Variants in SDK1 observed in about 807,000 individuals in gnomAD.
The protein encoded by SDK1 is sidekick cell adhesion molecule 1.
In SDK1, 157 loss-of-function variants were observed where a neutral mutation model predicts 245.5. The ratio of observed to expected loss-of-function variants is 0.64; its 90% CI spans 0.56 to 0.73. SDK1 has a LOEUF of 0.73. SDK1 is among the 30% of genes least tolerant of loss of function. The probability of loss-of-function intolerance (pLI) is 0.00; values close to 1 mark genes in which losing one functional copy is unlikely to be tolerated. For synonymous variants in SDK1, 1,647 were observed against 1,278.5 expected, an observed-to-expected ratio of 1.29 and a Z score of -6.15; for missense variants, 3,583 against 3,002.3, an observed-to-expected ratio of 1.19 and a Z score of -4.52.
chr7:3,715,324 T>C (rs569620741), intron 4 of SDK1, among the ~76,000 whole-genome samples: 11 of 152,274 alleles, frequency 7.2e-5, no homozygotes, highest in South Asian at 4.1e-4. Flanking sequence ...AATCAAAATA[T>C]ATTTGACCCA....
Position 3,988,132 on chromosome 7 carries a change from G to GTTT in SDK1, c.2131+833_2131+835dup, listed in dbSNP as rs71032919. Among the ~76,000 whole-genome samples, 33 of 85,410 alleles carry GTTT rather than the reference G, an allele frequency of 3.9e-4. 1 individual carries two copies. The highest frequency in any genetic ancestry group is 1.2e-3 in the African/African-American group (26 of 22,260). 56.0% of individuals were successfully genotyped at this position (85,410 alleles called of 152,430 possible). Reference sequence around the variant, plus strand: ...TTCCCACTGCATCCATCTTTTTAATGTTTTTTTTTTTTTTTTTTTTTTTTT... The same window carrying GTTT: ...TTCCCACTGCATCCATCTTTTTAATGTTTTTTTTTTTTTTTTTTTTTTTTTTTT... On this transcript the variant is annotated intron_variant, in intron 14 of 44. Transcript: ENST00000404826.
At chr7:3,738,451 CTA>C (rs1191738823) in intron 4 of SDK1, among the ~76,000 whole-genome samples, 1 of 152,146 alleles carries the variant, frequency 6.6e-6, no homozygotes, top group African/African-American at 2.4e-5. Flanking sequence ...TACTGTAGCT[CTA>C]TAATTCATTT....
At chr7:3,659,280 A>G (rs1459281843) in intron 4 of SDK1, among the ~76,000 whole-genome samples, 1 of 152,088 alleles carries the variant, frequency 6.6e-6, no homozygotes, top group Non-Finnish European at 1.5e-5. Context: ...CGGTACTGGT[A>G]TGATATCACA....
chr7:3,436,282 G>A (rs1233261883), intron 1 of SDK1, among the ~76,000 whole-genome samples: 1 of 151,868 alleles, frequency 6.6e-6, no homozygotes, highest in African/African-American at 2.4e-5. Context: ...AGGATTTCTC[G>A]GTAAATTAAA....
intron 14 of SDK1, among the ~76,000 whole-genome samples, chr7:4,010,608 G>C (rs1785868370): frequency 6.6e-6 from 1 of 152,208 alleles, no homozygotes; most frequent in African/African-American, 2.4e-5. Flanking sequence ...TTTTCTGGGA[G>C]ACAAATCTGC....
chr7:4,140,165 G>A (rs576485744), intron 28 of SDK1, among the ~76,000 whole-genome samples: 56 of 152,240 alleles, frequency 3.7e-4, no homozygotes, highest in African/African-American at 1.2e-3. Flanking sequence ...CTTCTCTGCC[G>A]CCCCGCTCCA....
intron 4 of SDK1, among the ~76,000 whole-genome samples, chr7:3,750,581 A>C (rs1779745774): frequency 6.6e-6 from 1 of 152,220 alleles, no homozygotes; most frequent in Non-Finnish European, 1.5e-5. Flanking sequence ...GGCCAGTGGG[A>C]ATTCATAGCC....
intron 4 of SDK1, among the ~76,000 whole-genome samples, chr7:3,761,678 A>G (rs185042824): frequency 1.5e-4 from 23 of 152,102 alleles, no homozygotes; most frequent in Admixed American, 1.5e-3. Context: ...GAACACAGGA[A>G]TGACTCAGGA....
intron 4 of SDK1, among the ~76,000 whole-genome samples, chr7:3,748,880 A>G (rs886984018): frequency 6.6e-6 from 1 of 152,178 alleles, no homozygotes; most frequent in Admixed American, 6.5e-5. Context: ...GGTAAATATG[A>G]TTCATCCTGT....
intron 5 of SDK1, among the ~76,000 whole-genome samples, chr7:3,859,679 C>T (rs1780639753): frequency 6.6e-6 from 1 of 152,160 alleles, no homozygotes; most frequent in African/African-American, 2.4e-5. Context: ...ACTTCCATTA[C>T]CATCCCCAGG....
intron 4 of SDK1, among the ~76,000 whole-genome samples, chr7:3,657,778 A>T: frequency 6.6e-6 from 1 of 152,154 alleles, no homozygotes. Context: ...AGACTACTCT[A>T]AATCTTCACG....
chr7:3,721,950 T>C (rs1204741225), intron 4 of SDK1, among the ~76,000 whole-genome samples: 2 of 152,206 alleles, frequency 1.3e-5, no homozygotes, highest in Non-Finnish European at 2.9e-5. Context: ...TCCTTTCCTT[T>C]CCTTTCTGAC....
At chr7:4,034,013 G>T (rs959079333) in intron 17 of SDK1, among the ~76,000 whole-genome samples, 12 of 152,162 alleles carry the variant, frequency 7.9e-5, no homozygotes, top group African/African-American at 2.9e-4. Flanking sequence ...AGTGGTTGCA[G>T]TTAGCACCAC....
chr7:3,537,572 A>G (rs969871341), intron 1 of SDK1, among the ~76,000 whole-genome samples: 16 of 152,222 alleles, frequency 1.1e-4, no homozygotes, highest in African/African-American at 3.9e-4. Context: ...GAAAAGAATA[A>G]CAAACTGCAA....
chr7:3,869,609 G>A (rs7785172), intron 5 of SDK1, among the ~76,000 whole-genome samples: 8,346 of 152,194 alleles, frequency 0.055, 731 homozygotes, highest in African/African-American at 0.19. Context: ...TCCCCTCCCT[G>A]CTTGCTCAGC....
chr7:3,503,920 G>C (rs1235807374), intron 1 of SDK1, among the ~76,000 whole-genome samples: 1 of 152,034 alleles, frequency 6.6e-6, no homozygotes, highest in African/African-American at 2.4e-5. Context: ...GGGAGGCCGA[G>C]GTGGGCGGAT....
intron 4 of SDK1, among the ~76,000 whole-genome samples, chr7:3,719,376 G>T (rs6967060): frequency 1.3e-5 from 2 of 151,580 alleles, no homozygotes; most frequent in Non-Finnish European, 2.9e-5. Flanking sequence ...AGGAATCATT[G>T]TTTCCAGTGT....
chr7:4,018,210 G>A (rs562411152), intron 17 of SDK1, among the ~76,000 whole-genome samples: 43 of 152,350 alleles, frequency 2.8e-4, no homozygotes, highest in Admixed American at 1.8e-3. Context: ...TCACAGGTGT[G>A]ATTTTATTTG....
At chr7:4,057,438 G>A (rs1179843952) in intron 19 of SDK1, among the ~76,000 whole-genome samples, 1 of 152,164 alleles carries the variant, frequency 6.6e-6, no homozygotes. Flanking sequence ...GGACTGGCCT[G>A]CTCAGCCTGT....
Sources: gnomAD v4.1 joint callset for allele counts (sites outside exome capture counted in the v4.1 genomes callset) on GRCh38, gnomAD v4.1.1 for gene constraint, MANE v1.5 for transcripts, NCBI Gene and HGNC (gene_info 2026-07-23, HGNC 2026-07-21) for gene names.